RYR2: variants seen among roughly 807,000 people sequenced by gnomAD.
RYR2 encodes the protein cardiac muscle ryanodine receptor-calcium release channel.
RYR2 carries 227 observed loss-of-function variants against 601.1 expected under a neutral mutation model. That is an observed-to-expected ratio of 0.38 (90% confidence interval 0.34 to 0.42). The LOEUF (loss-of-function observed/expected upper bound fraction) is 0.42. Ranked by LOEUF, RYR2 falls within the 10% of genes least tolerant of loss-of-function variation. The pLI is 1.00. For missense variants in RYR2, 4,646 were observed against 6,156.5 expected (o/e 0.75, Z 8.21); for synonymous variants, 2,223 against 2,175.1 (o/e 1.02, Z -0.61).
At chr1:237,428,182 C>T (rs890596630) in intron 12 of RYR2, among the ~76,000 whole-genome samples, 5 of 152,092 alleles carry the variant, frequency 3.3e-5, no homozygotes, top group African/African-American at 9.7e-5. Flanking sequence ...CCATTGTGGA[C>T]GACAGTGTGG....
chr1:237,097,793 C>G lies in RYR2; in HGVS notation c.48+55224C>G, dbSNP rs544941574. Among the ~76,000 whole-genome samples, 6 of 152,250 alleles carry G rather than the reference C, an allele frequency of 3.9e-5. No homozygotes were observed. The South Asian group carries it at 1.2e-3, about 32-fold the overall frequency. ...CCAGTGATATTAGCTATTCCCAGTC[C>G]GTGTCACCCCCAGGGATGGAGTGGG... On this transcript the variant is annotated intron_variant, in intron 1 of 104. Transcript: ENST00000366574.
At chr1:237,399,556 C>T (rs1703157221) in intron 10 of RYR2, among the ~76,000 whole-genome samples, 1 of 152,188 alleles carries the variant, frequency 6.6e-6, no homozygotes, top group African/African-American at 2.4e-5. Flanking sequence ...TTAATGCTCT[C>T]AGCAAGGCAA....
At chr1:237,503,672 AT>A (rs1664900786) in intron 22 of RYR2, among the ~76,000 whole-genome samples, 167 bp downstream of exon 22, 1 of 152,076 alleles carries the variant, frequency 6.6e-6, no homozygotes, top group Non-Finnish European at 1.5e-5. Flanking sequence ...TACCTTTACC[AT>A]GTCCACTCAC....
intron 20 of RYR2, among the ~76,000 whole-genome samples, chr1:237,497,584 T>A (rs1468276060): frequency 6.6e-6 from 1 of 152,210 alleles, no homozygotes; most frequent in Non-Finnish European, 1.5e-5. Context: ...TTATTTAGCA[T>A]ATGGAAGATG....
At chr1:237,251,028 A>AGGTGTG (rs1687404161) in intron 1 of RYR2, among the ~76,000 whole-genome samples, 1 of 139,224 alleles carries the variant, frequency 7.2e-6, no homozygotes, top group Non-Finnish European at 1.6e-5. Flanking sequence ...TCCCCAACAG[A>AGGTGTG]TGTGTGTGTG....
At chr1:237,797,903 C>A in intron 96 of RYR2, 134 bp from the exon 97 acceptor site, 1 of 759,496 alleles carries the variant, frequency 1.3e-6, no homozygotes, top group Non-Finnish European at 2.1e-6. Flanking sequence ...GAAGGTGAGC[C>A]ACACACTAGA....
chr1:237,799,235 A>G (rs115927039), intron 97 of RYR2, among the ~76,000 whole-genome samples: 136 of 152,326 alleles, frequency 8.9e-4, no homozygotes, highest in African/African-American at 3.1e-3. Flanking sequence ...CTGTAAAATG[A>G]AACACCGATG....
intron 1 of RYR2, among the ~76,000 whole-genome samples, chr1:237,075,382 G>A (rs1401455448): frequency 1.4e-5 from 2 of 147,470 alleles, no homozygotes; most frequent in African/African-American, 2.5e-5. Flanking sequence ...ATCTCACTAG[G>A]GAGTGCCAGA....
At chr1:237,488,968 G>A (rs1226439353) in intron 17 of RYR2, among the ~76,000 whole-genome samples, 1 of 152,126 alleles carries the variant, frequency 6.6e-6, no homozygotes, top group Non-Finnish European at 1.5e-5. Context: ...TCAGACCATA[G>A]CAGCCAGATA....
intron 35 of RYR2, among the ~76,000 whole-genome samples, chr1:237,606,215 C>A (rs1184960524): frequency 1.3e-5 from 2 of 152,166 alleles, no homozygotes; most frequent in Non-Finnish European, 2.9e-5. Flanking sequence ...GGTACCAAAA[C>A]AGAGATACAG....
At chr1:237,413,682 TATATG>T (rs1283976173) in intron 10 of RYR2, among the ~76,000 whole-genome samples, 1 of 152,112 alleles carries the variant, frequency 6.6e-6, no homozygotes, top group Admixed American at 6.5e-5. Context: ...CATATGTACA[TATATG>T]ATAGATTTTT....
intron 17 of RYR2, among the ~76,000 whole-genome samples, chr1:237,473,474 T>TTTCTTTCTTTCTTTCTTTCTTC (rs1553464743): frequency 4.0e-5 from 6 of 150,400 alleles, no homozygotes; most frequent in Non-Finnish European, 7.4e-5. Flanking sequence ...TCTATCTATC[T>TTTCTTTCTTTCTTTCTTTCTTC]ATCTGGCATA....
In RYR2 at chr1:237,714,532, G is replaced by A. The variant is rs371459504; in HGVS notation, c.10324-2666G>A. 1.1e-4 allele frequency among the ~76,000 whole-genome samples: 16 copies of A among 152,302 alleles called. No individual in the cohort carries two copies. The East Asian group carries it at 2.5e-3, about 24-fold the overall frequency. On this transcript the variant is annotated intron_variant, in intron 71 of 104. Transcript: ENST00000366574. ...GCTCAAATCTAACAGTATATTTGAA[G>A]AAGAGTCTGTTTGATGTCTTTCTTG...
chr1:237,230,762 C>T (rs978352614), intron 1 of RYR2, among the ~76,000 whole-genome samples: 4 of 152,030 alleles, frequency 2.6e-5, no homozygotes, highest in African/African-American at 9.7e-5. Context: ...AAAAACCCCT[C>T]TACTAAAAGT....
Position 237,831,510 on chromosome 1 carries a change from G to C in RYR2, c.14757-4G>C. 6.6e-7 allele frequency: 1 copy of C among 1,522,782 alleles called. No homozygotes were observed. Among genetic ancestry groups the C allele is most frequent in the Non-Finnish European group, 9.1e-7 (1 of 1,100,284 alleles). 94.3% of individuals were successfully genotyped at this position (1,522,782 alleles called of 1,614,324 possible). On this transcript the variant is annotated splice_polypyrimidine_tract_variant and splice_region_variant and intron_variant, in intron 103 of 104. Transcript: ENST00000366574. ...ATTTCTGATCAGTTTCTCTGTATCT[G>C]TAGGTTTTTTCTGATGTATCTTATA...
chr1:237,779,872 C>A (rs114890410), intron 88 of RYR2, among the ~76,000 whole-genome samples: 2 of 152,112 alleles, frequency 1.3e-5, no homozygotes, highest in African/African-American at 4.8e-5. Context: ...AGAGAAGGGG[C>A]GAGCAGGAGC....
intron 1 of RYR2, among the ~76,000 whole-genome samples, chr1:237,086,179 G>A (rs2148429920): frequency 6.6e-6 from 1 of 152,282 alleles, no homozygotes; most frequent in African/African-American, 2.4e-5. Context: ...TCATAATTCT[G>A]GAAGCTGGAA....
At chr1:237,433,153 A>G (rs2150108934) in intron 12 of RYR2, among the ~76,000 whole-genome samples, 1 of 152,186 alleles carries the variant, frequency 6.6e-6, no homozygotes, top group African/African-American at 2.4e-5. Flanking sequence ...ATACTAGAAA[A>G]GTAGTTAAAA....
Position 237,566,417 on chromosome 1 carries a change from G to C in RYR2, c.3215-150G>C, listed in dbSNP as rs1362897138. 4 of 825,932 alleles carry C rather than the reference G, an allele frequency of 4.8e-6. No homozygotes were observed. The East Asian group carries it at 1.1e-4, about 23-fold the overall frequency. 51.2% of individuals were successfully genotyped at this position (825,932 alleles called of 1,614,324 possible). A position where few individuals can be genotyped will look rare whatever the true frequency, so the allele number is the denominator to read the frequency against. The stretch of plus-strand genomic sequence containing the variant: ...GATCAGAAAGCACTTGGTAAAATGG[G>C]AAAGAAGATAAGAAGGTATCATTAT... On this transcript the variant is annotated intron_variant, in intron 27 of 104. Coordinates refer to ENST00000366574, the MANE Select transcript of RYR2 (RefSeq NM_001035.3).
Sources: allele counts gnomAD v4.1 joint callset (sites outside exome capture counted in the v4.1 genomes callset), GRCh38; gene constraint gnomAD v4.1.1; transcripts MANE v1.5; gene names NCBI Gene and HGNC (gene_info 2026-07-23, HGNC 2026-07-21).